ZFP90: variants seen among roughly 807,000 people sequenced by gnomAD.
ZFP90 encodes ZFP90 zinc finger protein, also known as zinc finger protein 90 homolog.
ZFP90 carries 38 observed loss-of-function variants against 60.8 expected under a neutral mutation model. The ratio of observed to expected loss-of-function variants is 0.62; its 90% CI spans 0.48 to 0.82. The LOEUF (loss-of-function observed/expected upper bound fraction) is 0.82. Ranked by LOEUF, ZFP90 falls within the 40% of genes least tolerant of loss-of-function variation. ZFP90 has a pLI of 0.00. For synonymous variants in ZFP90, 287 were observed against 264.8 expected, an observed-to-expected ratio of 1.08 and a Z score of -0.82; for missense variants, 711 against 759.1, an observed-to-expected ratio of 0.94 and a Z score of 0.74.
chr16:68,562,776 A>C, intron 4 of ZFP90: 1 of 646,302 alleles, frequency 1.5e-6, no homozygotes, highest in Non-Finnish European at 2.6e-6. Context: ...TGCCTAACAC[A>C]GTCCTGCTCA....
At chr16:68,573,728 A>G (rs922939303) in intron 2 of ZFP90, 1 of 152,204 alleles carries the variant, frequency 6.6e-6, no homozygotes. Flanking sequence ...TGGCATCATC[A>G]TACATTTTAT....
At chr16:68,557,969 C>G (rs2091372297) in intron 2 of ZFP90, 29 bp from the exon 3 acceptor site, 2 of 1,612,588 alleles carry the variant, frequency 1.2e-6, no homozygotes, top group Non-Finnish European at 1.7e-6. Context: ...GGGGTTGATC[C>G]CCAGTTGAAC....
chr16:68,566,938 C>T lies in ZFP90; in HGVS notation c.*2240C>T. Reference sequence around the variant, plus strand: ...TGGTGCTTGGCCTAGATCCAGCCACCACTCTGAAACTCAGCACATCTTCAT... The same window carrying T: ...TGGTGCTTGGCCTAGATCCAGCCACTACTCTGAAACTCAGCACATCTTCAT... On this transcript the variant is annotated 3_prime_UTR_variant, in exon 5 of 5. Transcript: ENST00000563169. The T allele has an allele frequency of 4.1e-6, 4 of 985,592 alleles. No homozygotes were observed. The highest frequency in any genetic ancestry group is 4.8e-6 in the Non-Finnish European group (4 of 829,958). 61.1% of individuals were successfully genotyped at this position (985,592 alleles called of 1,614,324 possible).
In ZFP90 at chr16:68,565,251, A is replaced by G. The variant is rs1018559348; in HGVS notation, c.*553A>G. 1.0e-6 allele frequency: 1 copy of G among 985,182 alleles called. No homozygotes were observed. The highest frequency in any genetic ancestry group is 1.2e-6 in the Non-Finnish European group (1 of 829,682). 61.0% of individuals were successfully genotyped at this position (985,182 alleles called of 1,614,324 possible). On this transcript the variant is annotated 3_prime_UTR_variant, in exon 5 of 5. Coordinates refer to ENST00000563169, the MANE Select transcript of ZFP90 (RefSeq NM_001305203.2). ...GTTTCCACAGTATGATACAGCCTAT[A>G]AGGGTAAAGCTGGGTTAAAAATGCA...
rs13338007 is a variant in ZFP90, at chr16:68,547,149, C to T, written c.33+7324C>T. On this transcript the variant is annotated intron_variant, in intron 2 of 4. Transcript: ENST00000563169. ...TGGTTATATACCCAGAGAGAAATTG[C>T]GGGGTCATACGGTAATTTTTTTCCG... Among the ~76,000 whole-genome samples the T allele has an allele frequency of 7.2e-5, 11 of 152,208 alleles. No individual in the cohort carries two copies. In the South Asian group the frequency reaches 1.9e-3, roughly 26 times the overall value.
At chr16:68,548,967 GT>G (rs910051694) in intron 2 of ZFP90, among the ~76,000 whole-genome samples, 2 of 151,284 alleles carry the variant, frequency 1.3e-5, no homozygotes, top group African/African-American at 2.4e-5. Flanking sequence ...TAACCCATGT[GT>G]TTTTTTTTAA....
At chr16:68,541,812 C>G (rs1267689290) in intron 2 of ZFP90, among the ~76,000 whole-genome samples, 1 of 152,102 alleles carries the variant, frequency 6.6e-6, no homozygotes, top group East Asian at 1.9e-4. Flanking sequence ...GGACTCTGGT[C>G]TTTTCCATAG....
At position 68,563,235 on chromosome 16, in the gene ZFP90, A is replaced by T; in HGVS notation, c.448A>T (p.Thr150Ser). ...SEASTQKKIITPQENFEQNKF... is the reference protein window; with the variant it reads ...SEASTQKKIISPQENFEQNKF... Reference sequence around the variant, plus strand: ...GGCATCCACCCAGAAGAAAATAATTACACCACAAGAAAATTTTGAGCAAAA... The same window carrying T: ...GGCATCCACCCAGAAGAAAATAATTTCACCACAAGAAAATTTTGAGCAAAA... The change falls in exon 5 of 5, where the codon ACA (threonine) becomes TCA (serine). Residue 150 changes from threonine (T) to serine (S), a missense_variant. By Grantham distance (58) the Thr-to-Ser change is moderately conservative. Transcript: ENST00000563169. The T allele has an allele frequency of 6.2e-7, 1 of 1,613,558 alleles. No individual in the cohort carries two copies.
At chr16:68,542,079 A>C (rs972261393) in intron 2 of ZFP90, among the ~76,000 whole-genome samples, 3 of 152,182 alleles carry the variant, frequency 2.0e-5, no homozygotes, top group Non-Finnish European at 4.4e-5. Context: ...TGGTTCCCTG[A>C]GCATGACCCT....
At chr16:68,544,051 A>G (rs1175279002) in intron 2 of ZFP90, among the ~76,000 whole-genome samples, 5 of 151,700 alleles carry the variant, frequency 3.3e-5, no homozygotes, top group Non-Finnish European at 7.4e-5. Flanking sequence ...ATGGGGTTTC[A>G]CTATGTTGGC....
Position 68,563,946 on chromosome 16 carries a change from A to T in ZFP90, c.1159A>T (p.Thr387Ser), listed in dbSNP as rs750555222. ...RCSSLVQHER[T>S]HTGEKPFECS... The stretch of plus-strand genomic sequence containing the variant: ...TTCTTCCCTTGTCCAACATGAGAGG[A>T]CTCATACTGGAGAGAAACCTTTTGA... Residue 387 changes from threonine to serine, a missense_variant, in exon 5 of 5, where the codon ACT (threonine) becomes TCT (serine). By Grantham distance (58) the Thr-to-Ser change is moderately conservative (BLOSUM62 1). This residue lies in a region of ZFP90 where 146 missense variants were observed against 201.4 expected (regional missense o/e 0.73). Transcript: ENST00000563169. The T allele has an allele frequency of 6.2e-7, 1 of 1,614,104 alleles. No individual in the cohort carries two copies. The highest frequency in any genetic ancestry group is 2.2e-5 in the East Asian group (1 of 44,886).
rs2091457784 is a variant in ZFP90 at position 68,562,833 on chromosome 16, A to G, written c.257-211A>G. 4.4e-6 allele frequency: 5 copies of G among 1,130,224 alleles called. No homozygotes were observed. The South Asian group carries it at 6.4e-5, about 14-fold the overall frequency. 70.0% of individuals were successfully genotyped at this position (1,130,224 alleles called of 1,614,324 possible). A position where few individuals can be genotyped will look rare whatever the true frequency, so the allele number is the denominator to read the frequency against. ...CAACCCTCCTAGATGGGCTTTCCTCATTCTCTGGACTTACCACATACTCTG... is the reference window on the plus strand; with the variant it reads ...CAACCCTCCTAGATGGGCTTTCCTCGTTCTCTGGACTTACCACATACTCTG... On this transcript the variant is annotated intron_variant, in intron 4 of 4. Transcript: ENST00000563169.
Position 68,539,302 on chromosome 16 carries a change from T to C in ZFP90, c.-213T>C, listed in dbSNP as rs2090990016. ...GAGTGCGCAGGCGCACTTCCAGTTC[T>C]GCCCCACCGCTGCGGCCATTGTCCG... is the stretch of plus-strand genomic sequence containing the variant. On this transcript the variant is annotated 5_prime_UTR_variant, in exon 1 of 5. Transcript: ENST00000563169. 1 of 160,718 alleles carries C rather than the reference T, an allele frequency of 6.2e-6. No homozygotes were observed. The highest frequency in any genetic ancestry group is 1.4e-5 in the Non-Finnish European group (1 of 74,028). The allele number at this position is 160,718 out of a possible 1,614,324, so 10.0% of individuals were successfully genotyped here.
chr16:68,545,880 A>G (rs569749584), intron 2 of ZFP90, among the ~76,000 whole-genome samples: 2 of 152,000 alleles, frequency 1.3e-5, no homozygotes, highest in Non-Finnish European at 2.9e-5. Flanking sequence ...ACTTTTGTTA[A>G]AGTATATCTT....
intron 2 of ZFP90, among the ~76,000 whole-genome samples, chr16:68,554,017 G>T (rs1244274971): frequency 6.6e-6 from 1 of 152,172 alleles, no homozygotes; most frequent in Non-Finnish European, 1.5e-5. Context: ...GAACTAGGAG[G>T]TTGTAGCAGT....
Position 68,566,221 on chromosome 16 carries a change from T to C in ZFP90, c.*1523T>C, listed in dbSNP as rs2091524696. On this transcript the variant is annotated 3_prime_UTR_variant, in exon 5 of 5. Transcript: ENST00000563169. ...CTGCTCCATCCCCTAATGACTCCCA[T>C]GGGCTATCCTAAAGGAACTTCCAGA... 1 of 985,470 alleles carries C rather than the reference T, an allele frequency of 1.0e-6. No homozygotes were observed. The highest frequency in any genetic ancestry group is 1.2e-6 in the Non-Finnish European group (1 of 829,960). 61.0% of individuals were successfully genotyped at this position (985,470 alleles called of 1,614,324 possible).
At position 68,557,367 on chromosome 16, in the gene ZFP90, C is replaced by CA. The variant is rs548143268; in HGVS notation, c.34-631_34-630insA. 773 of 437,338 alleles carry CA rather than the reference C, an allele frequency of 1.8e-3. 1 individual carries two copies. Among genetic ancestry groups the CA allele is most frequent in the Admixed American group, 2.8e-3 (118 of 41,788 alleles). 27.1% of individuals were successfully genotyped at this position (437,338 alleles called of 1,614,324 possible). On this transcript the variant is annotated intron_variant, in intron 2 of 4. Coordinates refer to ENST00000563169, the MANE Select transcript of ZFP90 (RefSeq NM_001305203.2). ...TGTTGTTGGTTTTAATCAGTGGGTA[C>CA]CTGTGATACAGGTGTACTGTGGAGT...
intron 2 of ZFP90, among the ~76,000 whole-genome samples, chr16:68,540,487 ATTC>A (rs1165763084): frequency 1.3e-5 from 2 of 152,122 alleles, no homozygotes; most frequent in African/African-American, 2.4e-5. Flanking sequence ...GAACCCATTT[ATTC>A]TTGTGGCAGA....
chr16:68,540,227 G>A (rs572232766), intron 2 of ZFP90, among the ~76,000 whole-genome samples: 50 of 152,106 alleles, frequency 3.3e-4, no homozygotes, highest in Non-Finnish European at 6.8e-4. Context: ...TCTGACCCAG[G>A]GCCCATAGAG....
Sources: allele counts gnomAD v4.1 joint callset (sites outside exome capture counted in the v4.1 genomes callset), GRCh38; gene constraint gnomAD v4.1.1; regional missense constraint gnomAD v4.1.1; transcripts MANE v1.5; gene names NCBI Gene and HGNC (gene_info 2026-07-23, HGNC 2026-07-21).